The following LIPG variants were observed in gnomAD, a reference collection of about 807,000 sequenced individuals.
LIPG encodes lipase G, endothelial type, also known as endothelial lipase.
Under a neutral mutation model 51.8 loss-of-function variants are expected in LIPG, and 34 were observed. That is an observed-to-expected ratio of 0.66 (90% confidence interval 0.50 to 0.87). LIPG has a LOEUF of 0.87. Among genes scored for constraint, LIPG ranks in the 40% least tolerant of loss-of-function variants. The probability of loss-of-function intolerance (pLI) is 0.00; values close to 1 mark genes in which losing one functional copy is unlikely to be tolerated. For synonymous variants in LIPG, 246 were observed against 246.1 expected, an observed-to-expected ratio of 1.00 and a Z score of 0.00; for missense variants, 580 against 652.7, an observed-to-expected ratio of 0.89 and a Z score of 1.21.
chr18:49,586,947 A>T, intron 9 of LIPG, 97 bp downstream of exon 9: 2 of 896,152 alleles, frequency 2.2e-6, no homozygotes, highest in South Asian at 1.4e-5. Context: ...GGGACATAGC[A>T]TGAACAAAAC....
rs1373300335 is a variant in LIPG, at chr18:49,593,222, G to C, written c.*2700G>C. On this transcript the variant is annotated 3_prime_UTR_variant, in exon 10 of 10. Transcript: ENST00000261292. ...CTGAAAGTTCTGAGATTATAGGTGT[G>C]AGCCACCGTGCCTGGCCAATTCTTA... 1 of 152,090 alleles carries C rather than the reference G, an allele frequency of 6.6e-6. No individual in the cohort carries two copies. Among genetic ancestry groups the C allele is most frequent in the Non-Finnish European group, 1.5e-5 (1 of 68,018 alleles). The allele number at this position is 152,090 out of a possible 1,614,324, so 9.4% of individuals were successfully genotyped here. A position where few individuals can be genotyped will look rare whatever the true frequency, so the allele number is the denominator to read the frequency against.
In LIPG at chr18:49,565,507, G is replaced by A. The variant is rs774035067; in HGVS notation, c.279+9G>A. ...TCATTCACGGATGGACGGTGAGCCC[G>A]GGGAGGGAGCTCTGCGGCTTTATAT... On this transcript the variant is annotated intron_variant, in intron 2 of 9. Coordinates refer to ENST00000261292, the MANE Select transcript of LIPG (RefSeq NM_006033.4). The A allele has an allele frequency of 3.2e-5, 51 of 1,613,856 alleles. No homozygotes were observed. The highest frequency in any genetic ancestry group is 1.6e-4 in the Middle Eastern group (1 of 6,084).
Position 49,562,073 on chromosome 18 carries a change from C to T in LIPG, c.-236C>T, listed in dbSNP as rs1458349552. 1.4e-6 allele frequency: 2 copies of T among 1,440,506 alleles called. No individual in the cohort carries two copies. The highest frequency in any genetic ancestry group is 2.9e-5 in the African/African-American group (2 of 69,846). 89.2% of individuals were successfully genotyped at this position (1,440,506 alleles called of 1,614,324 possible). ...GAGCGTGACAGCAGCGAGTCCTTGC[C>T]TCCCGGCGGCTCAGGACGAGGGCAG... On this transcript the variant is annotated 5_prime_UTR_variant, in exon 1 of 10. Coordinates refer to ENST00000261292, the MANE Select transcript of LIPG (RefSeq NM_006033.4).
chr18:49,567,724 C>A, intron 3 of LIPG, 103 bp downstream of exon 3: 1 of 1,165,338 alleles, frequency 8.6e-7, no homozygotes, highest in Admixed American at 2.4e-5. Context: ...CTTCTGGAGT[C>A]TGATAAAAAT....
At chr18:49,590,419 A>G (rs1600572782) in intron 9 of LIPG, 82 bp from the exon 10 acceptor site, 1 of 1,490,110 alleles carries the variant, frequency 6.7e-7, no homozygotes, top group Non-Finnish European at 9.2e-7. Context: ...CCTTAAGGTC[A>G]AAAGAGCACA....
At chr18:49,578,010 C>T (rs1242869386) in intron 5 of LIPG, among the ~76,000 whole-genome samples, 4 of 140,926 alleles carry the variant, frequency 2.8e-5, no homozygotes, top group African/African-American at 1.1e-4. Context: ...CACGGCTGGC[C>T]AGGCGGGGGG....
intron 8 of LIPG, among the ~76,000 whole-genome samples, chr18:49,585,941 G>C (rs11873575): frequency 0.022 from 3,353 of 152,184 alleles, 102 homozygotes; most frequent in African/African-American, 0.07. Flanking sequence ...TAAACATATA[G>C]GTCCTAAGGT....
intron 4 of LIPG, among the ~76,000 whole-genome samples, chr18:49,570,823 C>T (rs1162590264): frequency 2.0e-5 from 3 of 152,014 alleles, no homozygotes; most frequent in Non-Finnish European, 2.9e-5. Flanking sequence ...AGCAAGACTC[C>T]GTCTCAAAAA....
At chr18:49,570,218 G>A (rs1306274388) in intron 4 of LIPG, among the ~76,000 whole-genome samples, 1 of 152,192 alleles carries the variant, frequency 6.6e-6, no homozygotes, top group African/African-American at 2.4e-5. Context: ...TCCCCAGGGG[G>A]TCAACAGAAA....
At chr18:49,576,122 G>C (rs1298069781) in intron 5 of LIPG, among the ~76,000 whole-genome samples, 1 of 152,012 alleles carries the variant, frequency 6.6e-6, no homozygotes, top group Non-Finnish European at 1.5e-5. Context: ...ACAGGTGTGA[G>C]CCACCGCACC....
rs192781552 is a variant in LIPG, at chr18:49,596,755, C to T, written c.*6233C>T. On this transcript the variant is annotated 3_prime_UTR_variant, in exon 10 of 10. Transcript: ENST00000261292. Reference sequence around the variant, plus strand: ...AGATCCACATTTCTTTTCTGTCCGCCCTGGTCCCCTGGTGCCCCCTTTCCT... The same window carrying T: ...AGATCCACATTTCTTTTCTGTCCGCTCTGGTCCCCTGGTGCCCCCTTTCCT... 976 of 153,082 alleles carry T rather than the reference C, an allele frequency of 6.4e-3. 5 individuals carry two copies. Among genetic ancestry groups the T allele is most frequent in the Middle Eastern group, 0.017 (5 of 292 alleles). 9.5% of individuals were successfully genotyped at this position (153,082 alleles called of 1,614,324 possible).
intron 4 of LIPG, among the ~76,000 whole-genome samples, chr18:49,574,536 T>G (rs1488852206): frequency 6.6e-6 from 1 of 152,222 alleles, no homozygotes; most frequent in Non-Finnish European, 1.5e-5. Flanking sequence ...ACTGCTCTGC[T>G]ACCTGTCCGT....
At chr18:49,576,220 G>C (rs544977890) in intron 5 of LIPG, among the ~76,000 whole-genome samples, 15 of 152,112 alleles carry the variant, frequency 9.9e-5, no homozygotes, top group African/African-American at 3.4e-4. Flanking sequence ...TAAAGCAAAA[G>C]TGCGCTCCCA....
At chr18:49,582,256 A>T (rs1342785559) in intron 6 of LIPG, 106 bp from the exon 7 acceptor site, 2 of 1,459,458 alleles carry the variant, frequency 1.4e-6, no homozygotes, top group Non-Finnish European at 1.9e-6. Context: ...CTCAACCAAA[A>T]GAACACCAGC....
At position 49,591,763 on chromosome 18, in the gene LIPG, T is replaced by G. The variant is rs1176221800; in HGVS notation, c.*1241T>G. 1 of 152,210 alleles carries G rather than the reference T, an allele frequency of 6.6e-6. No individual in the cohort carries two copies. Among genetic ancestry groups the G allele is most frequent in the East Asian group, 1.9e-4 (1 of 5,198 alleles). The allele number at this position is 152,210 out of a possible 1,614,324, so 9.4% of individuals were successfully genotyped here. A position where few individuals can be genotyped will look rare whatever the true frequency, so the allele number is the denominator to read the frequency against. On this transcript the variant is annotated 3_prime_UTR_variant, in exon 10 of 10. Transcript: ENST00000261292. Reference sequence around the variant, plus strand: ...AAAGATTTGTGTATGCATTGCCTAATTAGAGTAGGGGGAGAAGGGCAACTA... The same window carrying G: ...AAAGATTTGTGTATGCATTGCCTAAGTAGAGTAGGGGGAGAAGGGCAACTA...
Position 49,569,529 on chromosome 18 carries a change from A to C in LIPG, c.552A>C (p.Gly184=). 6.2e-7 allele frequency: 1 copy of C among 1,614,020 alleles called. No homozygotes were observed. The highest frequency in any genetic ancestry group is 8.5e-7 in the Non-Finnish European group (1 of 1,179,954). Residue 184 remains glycine, a synonymous_variant, in exon 4 of 10, where the codon GGA becomes GGC. Transcript: ENST00000261292. ...VAGYAGNFVK[G]TVGRITGLDP... is the part of the protein sequence containing the mutation. ...GGTATGCAGGCAACTTCGTGAAAGG[A>C]ACGGTGGGCCGAATCACAGGTGAGC...
intron 9 of LIPG, among the ~76,000 whole-genome samples, chr18:49,588,053 G>A (rs777231238): frequency 3.3e-5 from 5 of 152,112 alleles, no homozygotes; most frequent in Admixed American, 6.5e-5. Flanking sequence ...GCCTCCCAGA[G>A]TGCTGGGATT....
At chr18:49,571,358 T>C (rs1328538652) in intron 4 of LIPG, among the ~76,000 whole-genome samples, 1 of 152,226 alleles carries the variant, frequency 6.6e-6, no homozygotes, top group Admixed American at 6.5e-5. Context: ...TTTCTAAATC[T>C]GAAATGAGAT....
intron 2 of LIPG, 146 bp from the exon 3 acceptor site, chr18:49,567,296 C>A: frequency 1.4e-6 from 1 of 738,030 alleles, no homozygotes; most frequent in Non-Finnish European, 2.2e-6. Context: ...AGATTGTTGT[C>A]AGTGCACTCC....
Sources: gnomAD v4.1 joint callset for allele counts (sites outside exome capture counted in the v4.1 genomes callset) on GRCh38, gnomAD v4.1.1 for gene constraint, MANE v1.5 for transcripts, NCBI Gene and HGNC (gene_info 2026-07-23, HGNC 2026-07-21) for gene names.